The following NEGR1 variants were observed in gnomAD, a reference collection of about 807,000 sequenced individuals.
NEGR1 encodes neuronal growth regulator 1.
A neutral mutation model predicts 40.9 loss-of-function variants in NEGR1; 10 were observed. The ratio of observed to expected loss-of-function variants is 0.24; its 90% CI spans 0.15 to 0.42. The LOEUF is 0.42. NEGR1 is among the 10% of genes least tolerant of loss of function. The pLI is 1.00. For synonymous variants in NEGR1, 185 were observed against 166.8 expected, an observed-to-expected ratio of 1.11 and a Z score of -0.84; for missense variants, 352 against 438.9, an observed-to-expected ratio of 0.80 and a Z score of 1.77.
At chr1:72,131,822 C>T (rs1462275123) in intron 1 of NEGR1, among the ~76,000 whole-genome samples, 4 of 152,092 alleles carry the variant, frequency 2.6e-5, no homozygotes, top group African/African-American at 9.7e-5. Flanking sequence ...ATTGGCTGAG[C>T]GTGGTGGCTC....
At chr1:72,247,901 C>T (rs1409745093) in intron 1 of NEGR1, among the ~76,000 whole-genome samples, 3 of 152,046 alleles carry the variant, frequency 2.0e-5, no homozygotes, top group Non-Finnish European at 4.4e-5. Flanking sequence ...AAGCATGGTG[C>T]CAACATCCGC....
chr1:72,222,968 T>A (rs1340018397), intron 1 of NEGR1, among the ~76,000 whole-genome samples: 1 of 152,126 alleles, frequency 6.6e-6, no homozygotes, highest in African/African-American at 2.4e-5. Flanking sequence ...GTTCTCTATA[T>A]CTAAACTGTC....
chr1:71,594,217 C>A (rs1017133439), intron 5 of NEGR1, among the ~76,000 whole-genome samples: 1 of 152,132 alleles, frequency 6.6e-6, no homozygotes, highest in Non-Finnish European at 1.5e-5. Context: ...CAATTTACCC[C>A]AAGTTTATTG....
intron 1 of NEGR1, among the ~76,000 whole-genome samples, chr1:72,160,916 A>G (rs1440808352): frequency 2.6e-5 from 4 of 152,184 alleles, no homozygotes; most frequent in African/African-American, 9.6e-5. Flanking sequence ...ATAAAAAACT[A>G]TTATTTAAGT....
chr1:71,427,097 C>T (rs1373045693), intron 6 of NEGR1, among the ~76,000 whole-genome samples: 3 of 152,136 alleles, frequency 2.0e-5, no homozygotes, highest in South Asian at 2.1e-4. Context: ...CTAAAAATGT[C>T]TGTACCTGTA....
intron 2 of NEGR1, among the ~76,000 whole-genome samples, chr1:71,906,554 T>C (rs1431924968): frequency 1.3e-5 from 2 of 151,996 alleles, no homozygotes; most frequent in Non-Finnish European, 2.9e-5. Context: ...CTTATAATTG[T>C]TAAGTTGATT....
intron 1 of NEGR1, among the ~76,000 whole-genome samples, chr1:72,143,914 A>AATATATAT (rs61582804): frequency 7.7e-5 from 10 of 130,600 alleles, no homozygotes; most frequent in Admixed American, 2.4e-4. Flanking sequence ...TGATATATAT[A>AATATATAT]ATATATATAT....
chr1:72,116,584 C>T (rs571810894), intron 1 of NEGR1, among the ~76,000 whole-genome samples: 9 of 151,748 alleles, frequency 5.9e-5, no homozygotes, highest in African/African-American at 2.2e-4. Flanking sequence ...AATTTAATCC[C>T]TACTTCATGA....
intron 2 of NEGR1, among the ~76,000 whole-genome samples, chr1:71,888,446 A>C (rs550851397): frequency 7.6e-4 from 116 of 151,972 alleles, no homozygotes; most frequent in Middle Eastern, 3.4e-3. Context: ...GAGTCAAAGA[A>C]AGGGGTGACG....
intron 3 of NEGR1, among the ~76,000 whole-genome samples, chr1:71,701,737 A>G (rs959215594): frequency 2.1e-4 from 32 of 152,124 alleles, no homozygotes; most frequent in Admixed American, 2.1e-3. Context: ...ACTTGCATAT[A>G]CAAATTTTAA....
intron 6 of NEGR1, among the ~76,000 whole-genome samples, chr1:71,476,680 G>A (rs1401229830): frequency 1.3e-5 from 2 of 152,082 alleles, no homozygotes; most frequent in Non-Finnish European, 2.9e-5. Context: ...TGTGGACACT[G>A]AGGTTCGGGA....
intron 6 of NEGR1, among the ~76,000 whole-genome samples, chr1:71,541,512 A>G (rs912154165): frequency 6.6e-6 from 1 of 151,754 alleles, no homozygotes; most frequent in Admixed American, 6.6e-5. Flanking sequence ...CGACCTGCTG[A>G]GCAGCATGAA....
intron 1 of NEGR1, among the ~76,000 whole-genome samples, chr1:72,113,690 A>G (rs12124902): frequency 0.22 from 33,609 of 151,510 alleles, 4,363 homozygotes; most frequent in Non-Finnish European, 0.29. Flanking sequence ...ATTTCAAATT[A>G]CTCTTTCTAA....
chr1:71,988,729 A>G (rs1258713447), intron 1 of NEGR1, among the ~76,000 whole-genome samples: 2 of 151,838 alleles, frequency 1.3e-5, no homozygotes, highest in African/African-American at 4.8e-5. Flanking sequence ...GGACACACAG[A>G]AAACATGTCT....
chr1:71,485,916 G>A (rs747357008), intron 6 of NEGR1, among the ~76,000 whole-genome samples: 7 of 151,604 alleles, frequency 4.6e-5, no homozygotes, highest in Non-Finnish European at 1.0e-4. Flanking sequence ...GAAGAATTTT[G>A]TGCAGACATA....
In NEGR1 at chr1:72,235,400, C is replaced by A. The variant is rs116703269; in HGVS notation, c.176+46919G>T. On this transcript the variant is annotated intron_variant, in intron 1 of 6. Transcript: ENST00000357731. ...GCAATGGAAATTCACTGATAGTTTT[C>A]GAATGGGGAAAAGGGCGGAAAGATT... Among the ~76,000 whole-genome samples the A allele has an allele frequency of 8.4e-3, 1,281 of 151,914 alleles. 19 individuals carry two copies. Among genetic ancestry groups the A allele is most frequent in the African/African-American group, 0.029 (1,219 of 41,436 alleles).
intron 1 of NEGR1, among the ~76,000 whole-genome samples, chr1:72,209,955 C>T (rs959283217): frequency 6.6e-6 from 1 of 151,796 alleles, no homozygotes; most frequent in Non-Finnish European, 1.5e-5. Flanking sequence ...ACAGACATTT[C>T]ATATTTATTG....
chr1:71,786,270 T>C (rs1394419771), intron 2 of NEGR1, among the ~76,000 whole-genome samples: 1 of 152,166 alleles, frequency 6.6e-6, no homozygotes, highest in Non-Finnish European at 1.5e-5. Flanking sequence ...TGATATATTT[T>C]ATTTTTGTCT....
chr1:72,216,384 CATATATATATATATATACATATAT>C (rs1178768786), intron 1 of NEGR1, among the ~76,000 whole-genome samples: 3 of 129,260 alleles, frequency 2.3e-5, no homozygotes, highest in African/African-American at 9.5e-5. Context: ...TATATATATA[CATATATATATATATATACATATAT>C]ATATATATGT....
Sources: gnomAD v4.1 joint callset for allele counts (sites outside exome capture counted in the v4.1 genomes callset) on GRCh38, gnomAD v4.1.1 for gene constraint, MANE v1.5 for transcripts, NCBI Gene and HGNC (gene_info 2026-07-23, HGNC 2026-07-21) for gene names.